Variants in CFAP161 observed in about 807,000 individuals in gnomAD.
CFAP161 encodes the protein cilia and flagella associated protein 161.
A neutral mutation model predicts 29.0 loss-of-function variants in CFAP161; 25 were observed. The ratio of observed to expected loss-of-function variants is 0.86; its 90% CI spans 0.63 to 1.20. CFAP161 has a LOEUF of 1.20. Ranked by LOEUF, CFAP161 falls within the 50% of genes most tolerant of loss-of-function variation. The probability of loss-of-function intolerance (pLI) is 0.00; values close to 1 mark genes in which losing one functional copy is unlikely to be tolerated. For synonymous variants in CFAP161, 116 were observed against 137.4 expected, an observed-to-expected ratio of 0.84 and a Z score of 1.09; for missense variants, 367 against 371.9, an observed-to-expected ratio of 0.99 and a Z score of 0.11.
At chr15:81,104,531 G>T (rs570697111) in intron 1 of CFAP161, among the ~76,000 whole-genome samples, 1 of 152,312 alleles carries the variant, frequency 6.6e-6, no homozygotes, top group South Asian at 2.1e-4. Flanking sequence ...TGTGCCAAAG[G>T]GATATGGTAT....
At position 81,141,446 on chromosome 15, in the gene CFAP161, C is replaced by A. The variant is rs544947428; in HGVS notation, c.478-2216C>A. Among the ~76,000 whole-genome samples the A allele has an allele frequency of 3.3e-5, 5 of 152,176 alleles. No homozygotes were observed. The South Asian group carries it at 1.0e-3, about 32-fold the overall frequency. On this transcript the variant is annotated intron_variant, in intron 4 of 6. Transcript: ENST00000286732. ...ACTCTTATTAATTCTATAGTTTTTT[C>A]AGTTGATTTTTTTATGTTTTCTGGG...
rs79617451 is a variant in CFAP161, at chr15:81,145,173, G to A, written c.636+1353G>A. On this transcript the variant is annotated intron_variant, in intron 5 of 6. Coordinates refer to ENST00000286732, the MANE Select transcript of CFAP161 (RefSeq NM_173528.4). ...CAGGCCACTGAGTCCACCCGATGCA[G>A]CATGCCTGTCCCTCACCTCTGCCAG... is the stretch of plus-strand genomic sequence containing the variant. Among the ~76,000 whole-genome samples, 1,247 of 152,356 alleles carry A rather than the reference G, an allele frequency of 8.2e-3. 5 individuals are homozygous for A. Among genetic ancestry groups the A allele is most frequent in the Non-Finnish European group, 0.012 (805 of 68,030 alleles).
At position 81,107,748 on chromosome 15, in the gene CFAP161, T is replaced by TA. The variant is rs1000586440; in HGVS notation, c.-141-19839dup. Among the ~76,000 whole-genome samples the TA allele has an allele frequency of 1.6e-3, 248 of 151,974 alleles. 1 individual carries two copies. The highest frequency in any genetic ancestry group is 5.4e-3 in the African/African-American group (225 of 41,502). On this transcript the variant is annotated intron_variant, in intron 1 of 4. Transcript: ENST00000560091. ...CTCAAATAAATAAAATAAAATAAAA[T>TA]AAATAAACAGAGCTGGTCATATAAT...
intron 5 of CFAP161, among the ~76,000 whole-genome samples, chr15:81,146,105 G>A (rs1379498194): frequency 6.6e-6 from 1 of 152,130 alleles, no homozygotes; most frequent in African/African-American, 2.4e-5. Flanking sequence ...ATTATAGAGT[G>A]CTCTTGTTTT....
chr15:81,112,402 A>G (rs901714622), intron 1 of CFAP161, among the ~76,000 whole-genome samples: 1 of 152,208 alleles, frequency 6.6e-6, no homozygotes, highest in Non-Finnish European at 1.5e-5. Context: ...ACAAGTAATG[A>G]AAGGCTCCAA....
chr15:81,147,864 G>A lies in CFAP161; in HGVS notation c.643G>A (p.Ala215Thr). 1 of 1,603,660 alleles carries A rather than the reference G, an allele frequency of 6.2e-7. No individual in the cohort carries two copies. The highest frequency in any genetic ancestry group is 2.2e-5 in the East Asian group (1 of 44,722). Residue 215 changes from alanine (A) to threonine (T), a missense_variant, in exon 6 of 7, where the codon GCT becomes ACT. Physicochemically the swap from Ala to Thr is moderately conservative, Grantham distance 58. Transcript: ENST00000286732. ...EYEGFPVPAN[A>T]KILINHCHTN... ...ATTTTCTTTATCTGTTAAGGCAAAT[G>A]CTAAAATTCTCATCAATCACTGTCA...
chr15:81,111,082 CTG>C (rs1161338743), intron 1 of CFAP161, among the ~76,000 whole-genome samples: 3 of 152,232 alleles, frequency 2.0e-5, no homozygotes, highest in African/African-American at 7.2e-5. Context: ...AATATCCTGT[CTG>C]CTTTTTCAAA....
rs1333875031 is a variant in CFAP161, at chr15:81,147,849, T to C, written c.637-9T>C. On this transcript the variant is annotated splice_polypyrimidine_tract_variant and intron_variant, in intron 5 of 6. Coordinates refer to ENST00000286732, the MANE Select transcript of CFAP161 (RefSeq NM_173528.4). ...GAATGCTAATAACACATTTTCTTTA[T>C]CTGTTAAGGCAAATGCTAAAATTCT... 6.3e-7 allele frequency: 1 copy of C among 1,582,978 alleles called. No individual in the cohort carries two copies.
chr15:81,138,251 A>G, intron 4 of CFAP161, 116 bp downstream of exon 4: 1 of 810,630 alleles, frequency 1.2e-6, no homozygotes, highest in East Asian at 2.6e-5. Context: ...TCCACCTCTG[A>G]CTTCACTATG....
intron 1 of CFAP161, among the ~76,000 whole-genome samples, chr15:81,101,157 A>G (rs1255432350): frequency 6.6e-6 from 1 of 152,156 alleles, no homozygotes; most frequent in Non-Finnish European, 1.5e-5. Flanking sequence ...TGCCCTGACT[A>G]ATCAGGAATA....
chr15:81,133,156 A>C (rs1894734327), upstream of CFAP161, among the ~76,000 whole-genome samples: 1 of 133,600 alleles, frequency 7.5e-6, no homozygotes, highest in East Asian at 2.3e-4. Flanking sequence ...GGATCCTTCA[A>C]CTCCATGGCC....
intron 1 of CFAP161, chr15:81,117,543 CTTT>C (rs35047343): frequency 6.6e-5 from 9 of 135,428 alleles, no homozygotes; most frequent in Non-Finnish European, 8.1e-5. Flanking sequence ...ATCACAGCTA[CTTT>C]TTTTTTTTTT....
At chr15:81,106,417 A>G (rs1425899430) in intron 1 of CFAP161, among the ~76,000 whole-genome samples, 1 of 152,054 alleles carries the variant, frequency 6.6e-6, no homozygotes, top group African/African-American at 2.4e-5. Context: ...TGATCCGCCT[A>G]CCTCGGCCTC....
chr15:81,138,239 G>C, intron 4 of CFAP161, 104 bp downstream of exon 4: 2 of 919,920 alleles, frequency 2.2e-6, no homozygotes, highest in Non-Finnish European at 3.5e-6. Context: ...AGAGTCATGG[G>C]CTCCACCTCT....
At chr15:81,118,239 T>C in intron 1 of CFAP161, 1 of 501,016 alleles carries the variant, frequency 2.0e-6, no homozygotes, top group South Asian at 1.9e-5. Flanking sequence ...AAATCAAACC[T>C]ACATTTATTA....
At chr15:81,134,077 C>A (rs973866034), upstream of CFAP161, among the ~76,000 whole-genome samples, 1 of 152,212 alleles carries the variant, frequency 6.6e-6, no homozygotes, top group Non-Finnish European at 1.5e-5. Flanking sequence ...ACTTTGTCAG[C>A]CAGGGTTTTC....
chr15:81,148,204 C>A, intron 6 of CFAP161, 134 bp from the exon 7 acceptor site: 2 of 933,784 alleles, frequency 2.1e-6, no homozygotes, highest in South Asian at 1.8e-5. Context: ...GCAAACATGT[C>A]CCATTTTAGA....
chr15:81,100,704 C>T (rs9744476), intron 1 of CFAP161, among the ~76,000 whole-genome samples: 21 of 148,732 alleles, frequency 1.4e-4, no homozygotes, highest in Admixed American at 2.7e-4. Context: ...CTCTCTCTCT[C>T]TTTTTTTTTT....
At chr15:81,103,418 A>T (rs1209183945) in intron 1 of CFAP161, among the ~76,000 whole-genome samples, 1 of 151,632 alleles carries the variant, frequency 6.6e-6, no homozygotes, top group African/African-American at 2.4e-5. Flanking sequence ...CCCAGGGAGG[A>T]TCCCACCCTA....
Sources: gnomAD v4.1 joint callset for allele counts (sites outside exome capture counted in the v4.1 genomes callset) on GRCh38, gnomAD v4.1.1 for gene constraint, MANE v1.5 for transcripts, NCBI Gene and HGNC (gene_info 2026-07-23, HGNC 2026-07-21) for gene names.